SLF2: variants seen among roughly 807,000 people sequenced by gnomAD.
SLF2 encodes the protein SMC5/6 complex localization factor 2.
SLF2 carries 68 observed loss-of-function variants against 124.3 expected under a neutral mutation model. The ratio of observed to expected loss-of-function variants is 0.55; its 90% confidence interval spans 0.45 to 0.67. The LOEUF is 0.67. Among genes scored for constraint, SLF2 ranks in the 30% least tolerant of loss-of-function variants. The pLI, the probability that SLF2 is intolerant of heterozygous loss-of-function variation, is 0.00. For synonymous variants in SLF2, 480 were observed against 478.8 expected, an observed-to-expected ratio of 1.00 and a Z score of -0.03; for missense variants, 1,246 against 1,373.7, an observed-to-expected ratio of 0.91 and a Z score of 1.47.
At chr10:100,922,374 A>T (rs942416386) in intron 4 of SLF2, among the ~76,000 whole-genome samples, 1 of 152,102 alleles carries the variant, frequency 6.6e-6, no homozygotes, top group Non-Finnish European at 1.5e-5. Context: ...AAAGATAAGA[A>T]ATTTTCTAAC....
intron 12 of SLF2, 24 bp downstream of exon 12, chr10:100,944,152 T>A: frequency 6.8e-7 from 1 of 1,465,608 alleles, no homozygotes; most frequent in Non-Finnish European, 9.5e-7. Context: ...TTTATGTGTC[T>A]TCTGCTCAGA....
chr10:100,926,313 G>GA (rs892720709), intron 6 of SLF2: 12 of 1,439,446 alleles, frequency 8.3e-6, no homozygotes, highest in Middle Eastern at 2.5e-4. Context: ...AGTCTCAAAT[G>GA]AAAAAAAGAG....
At chr10:100,937,884 A>G (rs1164896705) in intron 10 of SLF2, among the ~76,000 whole-genome samples, 1 of 152,230 alleles carries the variant, frequency 6.6e-6, no homozygotes, top group Non-Finnish European at 1.5e-5. Flanking sequence ...TGCTAGGATT[A>G]CAGGCATGAG....
At chr10:100,952,736 C>A (rs1425692195) in intron 17 of SLF2, among the ~76,000 whole-genome samples, 2 of 151,562 alleles carry the variant, frequency 1.3e-5, no homozygotes, top group African/African-American at 4.8e-5. Flanking sequence ...ATCAGGAGTT[C>A]GAGACCAGCC....
At chr10:100,946,950 T>G in intron 13 of SLF2, 89 bp from the exon 14 acceptor site, 1 of 1,007,986 alleles carries the variant, frequency 9.9e-7, no homozygotes, top group Non-Finnish European at 1.6e-6. Context: ...AGTGCTTCCA[T>G]TATGTCAAGA....
intron 6 of SLF2, chr10:100,926,286 G>C: frequency 6.8e-7 from 1 of 1,475,920 alleles, no homozygotes; most frequent in Non-Finnish European, 8.9e-7. Context: ...TGCAGCCTGG[G>C]TGGCAGAGTG....
chr10:100,919,001 C>CTTTTTT lies in SLF2; in HGVS notation c.973+584_973+589dup, dbSNP rs528512219. Among the ~76,000 whole-genome samples, 84 of 105,700 alleles carry CTTTTTT rather than the reference C, an allele frequency of 7.9e-4. 18 individuals are homozygous for CTTTTTT. Among genetic ancestry groups the CTTTTTT allele is most frequent in the African/African-American group, 2.4e-3 (56 of 23,388 alleles). 69.3% of individuals were successfully genotyped at this position (105,700 alleles called of 152,430 possible). ...CCTTGGCTACATCAGGAAACATAATCTTTTTTTTTTTTTTTTTTTTTTTTT... is the reference window on the plus strand; with the variant it reads ...CCTTGGCTACATCAGGAAACATAATCTTTTTTTTTTTTTTTTTTTTTTTTTTTTTTT... On this transcript the variant is annotated intron_variant, in intron 4 of 19. Coordinates refer to ENST00000238961, the MANE Select transcript of SLF2 (RefSeq NM_018121.4).
rs192239649 is a variant in SLF2, at chr10:100,948,251, T to G, written c.3120+404T>G. On this transcript the variant is annotated intron_variant, in intron 15 of 19. Transcript: ENST00000238961. ...TTTAACCTGTTTTAAAATGAGTCTT[T>G]TTAGATCATAGAGCTTAAATGTAGT... Among the ~76,000 whole-genome samples, 391 of 152,334 alleles carry G rather than the reference T, an allele frequency of 2.6e-3. 5 individuals carry two copies. Among genetic ancestry groups the G allele is most frequent in the Non-Finnish European group, 7.1e-4 (48 of 68,030 alleles).
chr10:100,916,801 C>T lies in SLF2; in HGVS notation c.416C>T (p.Ala139Val), dbSNP rs200939618. 9 of 1,613,876 alleles carry T rather than the reference C, an allele frequency of 5.6e-6. No individual in the cohort carries two copies. In the African/African-American group the frequency reaches 1.2e-4, roughly 22 times the overall value. The change falls in exon 3 of 20, where the codon GCC (alanine) becomes GTC (valine). Residue 139 changes from alanine (A) to valine (V), a missense_variant. Physicochemically the swap from Ala to Val is moderately conservative, Grantham distance 64. This residue lies in a region of SLF2 where 698 missense variants were observed against 708.9 expected (regional missense o/e 0.98). Transcript: ENST00000238961. ...HESRRPCLSL[A>V]SKYLAKGTNI... ...TCACGTCGGCCTTGTCTGTCACTAG[C>T]CTCCAAATATTTAGCCAAAGGAACA...
In SLF2 at chr10:100,962,213, C is replaced by T. The variant is rs543843243; in HGVS notation, c.*301C>T. ...GTCTAACCTGCCCCAGTTAACTCCT[C>T]TTGTTAAATTATAAGCCAGTTATCT... is the stretch of plus-strand genomic sequence containing the variant. On this transcript the variant is annotated 3_prime_UTR_variant, in exon 20 of 20. Transcript: ENST00000238961. 6.8e-4 allele frequency: 159 copies of T among 232,478 alleles called. 5 individuals carry two copies. In the South Asian group the frequency reaches 0.026, roughly 38 times the overall value. 14.4% of individuals were successfully genotyped at this position (232,478 alleles called of 1,614,324 possible).
chr10:100,950,551 CTGACCAGCTGGGTTA>C lies in SLF2; in HGVS notation c.3253-124_3253-110del. ...AGTTTAGATGCTTCGCTTTTACTTA[CTGACCAGCTGGGTTA>C]ACTTGACCGTATCCTTTATCCTTCC... On this transcript the variant is annotated intron_variant, in intron 16 of 19. Coordinates refer to ENST00000238961, the MANE Select transcript of SLF2 (RefSeq NM_018121.4). 4 of 768,744 alleles carry C rather than the reference CTGACCAGCTGGGTTA, an allele frequency of 5.2e-6. No homozygotes were observed. In the East Asian group the frequency reaches 1.1e-4, roughly 21 times the overall value. The allele number at this position is 768,744 out of a possible 1,614,324, so 47.6% of individuals were successfully genotyped here.
intron 12 of SLF2, 108 bp downstream of exon 12, chr10:100,944,236 C>T (rs1163518868): frequency 4.1e-5 from 26 of 632,062 alleles, no homozygotes; most frequent in Non-Finnish European, 6.5e-5. Flanking sequence ...TGGCTCACGC[C>T]TGTAATCCCA....
chr10:100,956,636 C>T, intron 18 of SLF2, 99 bp downstream of exon 18: 2 of 853,272 alleles, frequency 2.3e-6, no homozygotes, highest in Non-Finnish European at 1.8e-6. Context: ...AGAAAAAGAA[C>T]ATATAAGGCT....
Position 100,945,356 on chromosome 10 carries a change from TC to T in SLF2, c.2786del (p.Pro929GlnfsTer9), listed in dbSNP as rs1850084264. The T allele has an allele frequency of 1.3e-6, 2 of 1,598,180 alleles. No individual in the cohort carries two copies. Among genetic ancestry groups the T allele is most frequent in the Non-Finnish European group, 1.7e-6 (2 of 1,176,402 alleles). ...TTCTAGGCTTGTGTACATCTATACATCCAGAAGGTTACCAGGATCGTGAAAT... is the reference window on the plus strand; with the variant it reads ...TTCTAGGCTTGTGTACATCTATACATCAGAAGGTTACCAGGATCGTGAAAT... ...KFLGLCTSIH[P>X]EGYQDREIML... On this transcript the variant is annotated frameshift_variant, in exon 13 of 20. Coordinates refer to ENST00000238961, the MANE Select transcript of SLF2 (RefSeq NM_018121.4). LOFTEE classifies it high-confidence loss of function.
At chr10:100,929,791 G>T in intron 7 of SLF2, 39 bp from the exon 8 acceptor site, 1 of 1,475,978 alleles carries the variant, frequency 6.8e-7, no homozygotes, top group East Asian at 2.3e-5. Context: ...TATATGTAGT[G>T]TAACAATTTG....
At chr10:100,961,372 C>G (rs183732684) in intron 19 of SLF2, among the ~76,000 whole-genome samples, 81 of 152,238 alleles carry the variant, frequency 5.3e-4, no homozygotes, top group African/African-American at 1.9e-3. Flanking sequence ...AGGGACTAAA[C>G]TTTGAGTAGC....
At chr10:100,944,687 A>T (rs1850064969) in intron 12 of SLF2, among the ~76,000 whole-genome samples, 1 of 152,130 alleles carries the variant, frequency 6.6e-6, no homozygotes, top group Non-Finnish European at 1.5e-5. Flanking sequence ...TATAAGTAGG[A>T]TGTATGAAGA....
At chr10:100,947,494 A>T (rs965769422) in intron 14 of SLF2, among the ~76,000 whole-genome samples, 58 of 152,288 alleles carry the variant, frequency 3.8e-4, no homozygotes, top group African/African-American at 1.4e-3. Context: ...TCAGTAAAAA[A>T]ATAGGTTTTC....
At chr10:100,931,414 A>G (rs188091720) in intron 9 of SLF2, among the ~76,000 whole-genome samples, 13 of 152,132 alleles carry the variant, frequency 8.5e-5, no homozygotes, top group African/African-American at 2.6e-4. Flanking sequence ...TGGTACCTAT[A>G]TACATTTTCA....
Sources: gnomAD v4.1 joint callset for allele counts (sites outside exome capture counted in the v4.1 genomes callset) on GRCh38, gnomAD v4.1.1 for gene constraint, gnomAD v4.1.1 regional missense constraint, MANE v1.5 for transcripts, NCBI Gene and HGNC (gene_info 2026-07-23, HGNC 2026-07-21) for gene names.